NINJ2: variants seen among roughly 807,000 people sequenced by gnomAD.
NINJ2 encodes the protein ninjurin-2.
Under a neutral mutation model 11.7 loss-of-function variants are expected in NINJ2, and 12 were observed. The observed-to-expected ratio is 1.02, with a 90% CI of 0.66 to 1.66. The LOEUF is 1.66. Ranked by LOEUF, NINJ2 falls within the 40% of genes most tolerant of loss-of-function variation. The pLI, the probability that NINJ2 is intolerant of heterozygous loss-of-function variation, is 0.00. For synonymous variants in NINJ2, 93 were observed against 76.8 expected (o/e 1.21, Z -1.10); for missense variants, 187 against 181.8 (o/e 1.03, Z -0.16).
At chr12:588,885 G>A (rs1947680424) in intron 1 of NINJ2, among the ~76,000 whole-genome samples, 2 of 152,164 alleles carry the variant, frequency 1.3e-5, no homozygotes, top group African/African-American at 2.4e-5. Context: ...GTGAAGACAT[G>A]GCTAAGCAAG....
At chr12:643,469 A>G in intron 1 of NINJ2, 1 of 988,252 alleles carries the variant, frequency 1.0e-6, no homozygotes, top group Non-Finnish European at 1.2e-6. Context: ...GAAGGGAAGA[A>G]AGACCCGATT....
chr12:615,836 T>G (rs1356708047), intron 1 of NINJ2, among the ~76,000 whole-genome samples: 1 of 152,220 alleles, frequency 6.6e-6, no homozygotes, highest in Non-Finnish European at 1.5e-5. Context: ...CATGCCCTTT[T>G]CAGGGTCATC....
chr12:658,145 C>T (rs1226983126), intron 1 of NINJ2, among the ~76,000 whole-genome samples: 1 of 151,742 alleles, frequency 6.6e-6, no homozygotes, highest in Non-Finnish European at 1.5e-5. Flanking sequence ...ATTACAAGCA[C>T]CTGCCACCAT....
intron 1 of NINJ2, chr12:644,445 T>C (rs1388095195): frequency 6.6e-6 from 1 of 152,246 alleles, no homozygotes; most frequent in African/African-American, 2.4e-5. Context: ...AAACAGAGGT[T>C]AAGCATATAT....
intron 1 of NINJ2, among the ~76,000 whole-genome samples, chr12:595,335 T>C (rs1178761776): frequency 6.6e-6 from 1 of 152,236 alleles, no homozygotes; most frequent in Non-Finnish European, 1.5e-5. Flanking sequence ...GTCATAACAA[T>C]ATGACTTTTT....
At chr12:574,718 T>A (rs1947429604) in intron 1 of NINJ2, among the ~76,000 whole-genome samples, 1 of 152,232 alleles carries the variant, frequency 6.6e-6, no homozygotes, top group African/African-American at 2.4e-5. Context: ...CTATTGTTTA[T>A]AAATCACCCA....
chr12:570,225 C>T (rs1947358605), intron 1 of NINJ2, among the ~76,000 whole-genome samples: 1 of 152,218 alleles, frequency 6.6e-6, no homozygotes, highest in South Asian at 2.1e-4. Context: ...GGCAGAAGGG[C>T]CGGCAGTGAG....
rs547537927 is a variant in NINJ2, at chr12:614,834, C to A, written c.33+48494G>T. 6.6e-6 allele frequency among the ~76,000 whole-genome samples: 1 copy of A among 151,140 alleles called. No homozygotes were observed. Among genetic ancestry groups the A allele is most frequent in the Non-Finnish European group, 1.5e-5 (1 of 68,020 alleles). Reference sequence around the variant, plus strand: ...GGGGCAAGACCATGTCTTCACACGTCGGGCAGCGTGCATTGTCAGCGCTCT... The same window carrying A: ...GGGGCAAGACCATGTCTTCACACGTAGGGCAGCGTGCATTGTCAGCGCTCT... On this transcript the variant is annotated intron_variant, in intron 1 of 3. Coordinates refer to ENST00000305108, the MANE Select transcript of NINJ2 (RefSeq NM_016533.6). This position sits in a 1 kb window ranked among gnomAD's most constrained non-coding sequence, Gnocchi z 5.1.
At chr12:609,479 T>C (rs1477652218) in intron 1 of NINJ2, among the ~76,000 whole-genome samples, 1 of 152,038 alleles carries the variant, frequency 6.6e-6, no homozygotes, top group African/African-American at 2.4e-5. Flanking sequence ...TTTAAAACAA[T>C]AGGGGAAACA....
chr12:582,078 A>C (rs1947563153), intron 1 of NINJ2, among the ~76,000 whole-genome samples: 1 of 152,116 alleles, frequency 6.6e-6, no homozygotes, highest in Non-Finnish European at 1.5e-5. Flanking sequence ...GACAGAACTT[A>C]CCCAAAGTCA....
At chr12:596,933 C>CA (rs199948813) in intron 1 of NINJ2, among the ~76,000 whole-genome samples, 2,361 of 147,014 alleles carry the variant, frequency 0.016, 57 homozygotes, top group African/African-American at 0.055. Context: ...AAAAAAAAAA[C>CA]AAAAAAAAAT....
chr12:568,701 G>A (rs145804871), intron 1 of NINJ2, among the ~76,000 whole-genome samples: 7 of 152,346 alleles, frequency 4.6e-5, no homozygotes, highest in African/African-American at 1.2e-4. Flanking sequence ...TTGAGATTCC[G>A]AGTGTCCTCA....
At chr12:600,397 CAA>C (rs1250172821) in intron 1 of NINJ2, among the ~76,000 whole-genome samples, 2 of 151,746 alleles carry the variant, frequency 1.3e-5, no homozygotes, top group African/African-American at 4.8e-5. Context: ...TACTAAAATA[CAA>C]AAAAAGTTAG....
At chr12:569,640 G>T (rs1947350266) in intron 1 of NINJ2, among the ~76,000 whole-genome samples, 1 of 152,238 alleles carries the variant, frequency 6.6e-6, no homozygotes, top group South Asian at 2.1e-4. Flanking sequence ...ACCAAATAGT[G>T]GGGGAAGGGG....
intron 1 of NINJ2, among the ~76,000 whole-genome samples, chr12:621,818 A>G (rs1460656609): frequency 7.8e-5 from 1 of 12,760 alleles, no homozygotes; most frequent in African/African-American, 1.9e-4. Flanking sequence ...TCCGTCTCAG[A>G]AAAAAAAAAA....
intron 1 of NINJ2, among the ~76,000 whole-genome samples, chr12:583,496 C>T (rs1947588276): frequency 6.6e-6 from 1 of 152,274 alleles, no homozygotes; most frequent in South Asian, 2.1e-4. Flanking sequence ...CTGGGCCTCC[C>T]GCCTGACAGC....
rs1482299191 is a variant in NINJ2 at position 633,194 on chromosome 12, C to T, written c.33+30134G>A. Among the ~76,000 whole-genome samples the T allele has an allele frequency of 6.6e-6, 1 of 151,940 alleles. No homozygotes were observed. The highest frequency in any genetic ancestry group is 1.5e-5 in the Non-Finnish European group (1 of 68,006). ...CCAACCTCCCTAAAACTGTGCCCCACTCCTCCATTAAAAAAAAACAAGGCC... is the reference window on the plus strand; with the variant it reads ...CCAACCTCCCTAAAACTGTGCCCCATTCCTCCATTAAAAAAAAACAAGGCC... On this transcript the variant is annotated intron_variant, in intron 1 of 3. Transcript: ENST00000305108. This position sits in a 1 kb window ranked among gnomAD's most constrained non-coding sequence, Gnocchi z 4.3.
At chr12:572,607 G>C (rs527719842) in intron 1 of NINJ2, among the ~76,000 whole-genome samples, 63 of 152,234 alleles carry the variant, frequency 4.1e-4, no homozygotes, top group Non-Finnish European at 7.8e-4. Context: ...TGCACACACA[G>C]TGGGCTCTCA....
intron 1 of NINJ2, among the ~76,000 whole-genome samples, chr12:629,896 A>AAAAAAAAAAAAAAAAAAATATATATAT: frequency 3.0e-4 from 3 of 9,896 alleles, no homozygotes; most frequent in Non-Finnish European, 1.4e-3. Flanking sequence ...AAAAAAAAAA[A>AAAAAAAAAAAAAAAAAAATATATATAT]ATATATATAT....
Sources: allele counts gnomAD v4.1 joint callset (sites outside exome capture counted in the v4.1 genomes callset), GRCh38; gene constraint gnomAD v4.1.1; non-coding constraint Gnocchi (gnomAD v3.1); transcripts MANE v1.5; gene names NCBI Gene and HGNC (gene_info 2026-07-23, HGNC 2026-07-21).